TRPM3: variants seen among roughly 807,000 people sequenced by gnomAD.
The protein encoded by TRPM3 is long transient receptor potential channel 3.
In TRPM3, 77 loss-of-function variants were observed where a neutral mutation model predicts 181.2. That is an observed-to-expected ratio of 0.42 (90% CI 0.35 to 0.51). The LOEUF (loss-of-function observed/expected upper bound fraction) is 0.51, where lower values mean the gene tolerates loss of function less well. Among genes scored for constraint, TRPM3 ranks in the 20% least tolerant of loss-of-function variants. The pLI, the probability that TRPM3 is intolerant of heterozygous loss-of-function variation, is 0.01. For synonymous variants in TRPM3, 745 were observed against 796.4 expected (o/e 0.94, Z 1.09); for missense variants, 1,759 against 2,196.7 (o/e 0.80, Z 3.98).
intron 1 of TRPM3, among the ~76,000 whole-genome samples, chr9:71,200,445 G>A (rs1412090778): frequency 3.3e-5 from 5 of 150,452 alleles, no homozygotes; most frequent in Non-Finnish European, 5.9e-5. Context: ...TTTCTGTCTC[G>A]TTGATCTGTC....
intron 1 of TRPM3, among the ~76,000 whole-genome samples, chr9:71,149,897 A>T (rs11142703): frequency 2.6e-5 from 4 of 151,878 alleles, no homozygotes; most frequent in African/African-American, 9.7e-5. Flanking sequence ...TGGGAGGTCA[A>T]AACTGTAGTG....
At chr9:71,033,398 C>T (rs1008398892) in intron 1 of TRPM3, among the ~76,000 whole-genome samples, 10 of 151,244 alleles carry the variant, frequency 6.6e-5, no homozygotes, top group African/African-American at 2.4e-4. Flanking sequence ...ATCAATTTTA[C>T]CACAGGCGAA....
chr9:70,797,748 G>A (rs1468356128), intron 6 of TRPM3, among the ~76,000 whole-genome samples: 1 of 152,116 alleles, frequency 6.6e-6, no homozygotes, highest in African/African-American at 2.4e-5. Flanking sequence ...AAGACTAACG[G>A]TTTGCTCAGC....
At chr9:71,412,348 A>G (rs970786485) in intron 1 of TRPM3, among the ~76,000 whole-genome samples, 10 of 152,176 alleles carry the variant, frequency 6.6e-5, no homozygotes, top group Non-Finnish European at 1.5e-4. Flanking sequence ...CAACCTACCC[A>G]CCTGACAAAG....
intron 6 of TRPM3, among the ~76,000 whole-genome samples, chr9:70,812,125 T>C (rs1345289813): frequency 6.6e-6 from 1 of 152,226 alleles, no homozygotes; most frequent in Non-Finnish European, 1.5e-5. Context: ...TGAACAGCTC[T>C]GCTCTGCCTT....
intron 5 of TRPM3, among the ~76,000 whole-genome samples, chr9:70,841,928 A>G (rs985413251): frequency 6.6e-6 from 1 of 151,838 alleles, no homozygotes; most frequent in East Asian, 1.9e-4. Flanking sequence ...TGGACACTAC[A>G]AAAGTGGGAG....
In TRPM3 at chr9:71,381,951, G is replaced by A. The variant is rs118114832; in HGVS notation, c.183+64702C>T. 7.6e-3 allele frequency among the ~76,000 whole-genome samples: 1,161 copies of A among 152,094 alleles called. 8 individuals carry two copies. Among genetic ancestry groups the A allele is most frequent in the Non-Finnish European group, 0.01 (689 of 67,952 alleles). ...CTCTTCTCAGACCTACTTCCCACAC[G>A]GTGCTATCAAACTTGGGAGAGGGGA... On this transcript the variant is annotated intron_variant, in intron 1 of 24. Coordinates refer to the TRPM3 transcript ENST00000357533.
chr9:71,437,726 G>A (rs1253972011), intron 1 of TRPM3, among the ~76,000 whole-genome samples: 2 of 151,830 alleles, frequency 1.3e-5, no homozygotes, highest in Non-Finnish European at 1.5e-5. Flanking sequence ...AAATTAGCCG[G>A]GAGTGGTGGC....
At position 70,792,835 on chromosome 9, in the gene TRPM3, G is replaced by A. The variant is rs866433279; in HGVS notation, c.974-8556C>T. Among the ~76,000 whole-genome samples the A allele has an allele frequency of 2.2e-4, 34 of 152,142 alleles. No individual in the cohort carries two copies. In the Middle Eastern group the frequency reaches 0.014, roughly 61 times the overall value. The stretch of plus-strand genomic sequence containing the variant: ...AATATTAATATTTTAGACATTGTAG[G>A]CCAAAGGGTAAAATAGAGAAAATTG... On this transcript the variant is annotated intron_variant, in intron 6 of 25. Coordinates refer to ENST00000677713, the MANE Select transcript of TRPM3 (RefSeq NM_001366145.2).
intron 1 of TRPM3, among the ~76,000 whole-genome samples, chr9:71,006,901 T>C (rs1590556325): frequency 7.0e-6 from 1 of 142,458 alleles, no homozygotes; most frequent in Non-Finnish European, 1.5e-5. Context: ...AAATTAGGTG[T>C]GGTGGCGCAT....
intron 1 of TRPM3, among the ~76,000 whole-genome samples, chr9:71,188,404 G>A (rs2183017): frequency 2.6e-5 from 4 of 151,688 alleles, no homozygotes; most frequent in Middle Eastern, 3.4e-3. Context: ...GGCAGACCAC[G>A]TGCCTGTAGA....
intron 1 of TRPM3, among the ~76,000 whole-genome samples, chr9:71,039,798 A>T (rs2058622551): frequency 6.6e-6 from 1 of 152,152 alleles, no homozygotes; most frequent in Admixed American, 6.5e-5. Flanking sequence ...TATAATTATC[A>T]TTATACCCTG....
intron 1 of TRPM3, among the ~76,000 whole-genome samples, chr9:71,196,765 CTAGGATATGAACACGATT>C (rs1280174585): frequency 6.6e-6 from 1 of 151,954 alleles, no homozygotes; most frequent in Non-Finnish European, 1.5e-5. Context: ...TCAAAGAAAA[CTAGGATATGAACACGATT>C]TTGAGCCATT....
At chr9:71,087,604 T>C (rs79481790) in intron 1 of TRPM3, among the ~76,000 whole-genome samples, 7,616 of 152,162 alleles carry the variant, frequency 0.05, 286 homozygotes, top group Non-Finnish European at 0.077. Flanking sequence ...CTCAATATAT[T>C]TGTACCTCAC....
At chr9:71,289,550 C>T (rs1301975757) in intron 1 of TRPM3, among the ~76,000 whole-genome samples, 1 of 151,944 alleles carries the variant, frequency 6.6e-6, no homozygotes. Context: ...TCATAGTTAA[C>T]AATAATATAT....
At chr9:70,998,410 C>T (rs1158197486) in intron 1 of TRPM3, among the ~76,000 whole-genome samples, 1 of 151,752 alleles carries the variant, frequency 6.6e-6, no homozygotes, top group Non-Finnish European at 1.5e-5. Context: ...CAGAGATTTC[C>T]CATGTATGTC....
intron 21 of TRPM3, among the ~76,000 whole-genome samples, chr9:70,597,222 C>T (rs992495416): frequency 6.6e-6 from 1 of 152,080 alleles, no homozygotes; most frequent in African/African-American, 2.4e-5. Flanking sequence ...TGTGAGCCAC[C>T]ATGCCCGGCC....
In TRPM3 at chr9:70,828,018, C is replaced by G; in HGVS notation, c.802G>C (p.Val268Leu). The change falls in exon 6 of 26, where the codon GTT becomes CTT. Residue 268 changes from valine to leucine, a missense_variant and splice_region_variant. This residue lies in a region of TRPM3 where 737 missense variants were observed against 957.4 expected (regional missense o/e 0.77). Coordinates refer to ENST00000677713, the MANE Select transcript of TRPM3 (RefSeq NM_001366145.2). ...GACATGGTCTGGTATGGCCGGACAACCTGCAGGGTATCAAATGGAAGAGGC... is the reference window on the plus strand; with the variant it reads ...GACATGGTCTGGTATGGCCGGACAAGCTGCAGGGTATCAAATGGAAGAGGC... ...ENQEDLIGRD[V>L]VRPYQTMSNP... 1 of 1,606,864 alleles carries G rather than the reference C, an allele frequency of 6.2e-7. No individual in the cohort carries two copies. The highest frequency in any genetic ancestry group is 8.5e-7 in the Non-Finnish European group (1 of 1,175,380).
intron 1 of TRPM3, among the ~76,000 whole-genome samples, chr9:71,414,168 G>A (rs988684412): frequency 2.0e-5 from 3 of 151,998 alleles, no homozygotes; most frequent in Admixed American, 6.6e-5. Flanking sequence ...ATGTCCTGTG[G>A]TCTACAAAGC....
Sources: gnomAD v4.1 joint callset for allele counts (sites outside exome capture counted in the v4.1 genomes callset) on GRCh38, gnomAD v4.1.1 for gene constraint, gnomAD v4.1.1 regional missense constraint, MANE v1.5 for transcripts, NCBI Gene and HGNC (gene_info 2026-07-23, HGNC 2026-07-21) for gene names.